Variants in NAV2 observed in about 807,000 individuals in gnomAD.
The protein encoded by NAV2 is helicase, APC down-regulated 1.
Under a neutral mutation model 223.2 loss-of-function variants are expected in NAV2, and 54 were observed. The ratio of observed to expected loss-of-function variants is 0.24; its 90% confidence interval spans 0.19 to 0.30. NAV2 has a LOEUF of 0.30. Ranked by LOEUF, NAV2 falls within the 10% of genes least tolerant of loss-of-function variation. The pLI is 1.00. For missense variants in NAV2, 2,806 were observed against 3,147.5 expected (o/e 0.89, Z 2.60); for synonymous variants, 1,279 against 1,239.3 (o/e 1.03, Z -0.67).
At chr11:20,108,869 T>C (rs1194206944) in intron 36 of NAV2, among the ~76,000 whole-genome samples, 6 of 152,220 alleles carry the variant, frequency 3.9e-5, no homozygotes, top group African/African-American at 1.4e-4. Context: ...AGAAGTTCTG[T>C]AGGCTTTTAA....
chr11:20,103,719 C>T lies in NAV2; in HGVS notation c.6639C>T (p.Asn2213=). The T allele has an allele frequency of 6.2e-7, 1 of 1,614,174 alleles. No homozygotes were observed. The highest frequency in any genetic ancestry group is 8.5e-7 in the Non-Finnish European group (1 of 1,179,974). Residue 2213 remains asparagine (N), a synonymous_variant, in exon 34 of 38, where the codon AAC becomes AAT. Coordinates refer to ENST00000349880, the MANE Select transcript of NAV2 (RefSeq NM_145117.5). ...SSTPNLQLHH[N]FRWVLCANHT... ...CTCCCAACCTGCAGCTTCACCATAA[C>T]TTCAGGTCAGTTTTCCCTTCCCTTG...
In NAV2 at chr11:19,993,339, G is replaced by T. The variant is rs181719971; in HGVS notation, c.2768+9092G>T. 2.0e-5 allele frequency among the ~76,000 whole-genome samples: 3 copies of T among 152,320 alleles called. No individual in the cohort carries two copies. The East Asian group carries it at 5.8e-4, about 29-fold the overall frequency. ...GCATTGACAGTCTTCACTGCAAGAA[G>T]AAAGAGAGCATGGTGAACCACACAC... is the stretch of plus-strand genomic sequence containing the variant. On this transcript the variant is annotated intron_variant, in intron 11 of 37. Transcript: ENST00000349880.
intron 1 of NAV2, among the ~76,000 whole-genome samples, chr11:19,441,364 T>C (rs1284990750): frequency 1.3e-5 from 2 of 152,136 alleles, no homozygotes; most frequent in Non-Finnish European, 2.9e-5. Context: ...ATGAGAGATA[T>C]GTGATCAAAT....
chr11:19,694,210 GA>G (rs921517768), intron 1 of NAV2, among the ~76,000 whole-genome samples: 2 of 152,208 alleles, frequency 1.3e-5, no homozygotes, highest in African/African-American at 4.8e-5. Flanking sequence ...GCCAAGCAAG[GA>G]TGAGGTTTCA....
intron 1 of NAV2, among the ~76,000 whole-genome samples, chr11:19,420,058 C>A (rs1479185440): frequency 1.3e-5 from 2 of 152,128 alleles, no homozygotes; most frequent in African/African-American, 4.8e-5. Context: ...GTCTACTACG[C>A]CCACGTTACT....
At chr11:19,422,128 C>T (rs2133503273) in intron 1 of NAV2, among the ~76,000 whole-genome samples, 1 of 152,342 alleles carries the variant, frequency 6.6e-6, no homozygotes, top group East Asian at 1.9e-4. Context: ...AGATCCAGGC[C>T]TGCAACTCAA....
At chr11:19,692,190 G>A (rs1226995166) in intron 1 of NAV2, among the ~76,000 whole-genome samples, 1 of 152,224 alleles carries the variant, frequency 6.6e-6, no homozygotes, top group Admixed American at 6.5e-5. Flanking sequence ...ACCCACACTG[G>A]CTGAGGGCCT....
At chr11:19,828,793 G>A (rs1481648543) in intron 1 of NAV2, among the ~76,000 whole-genome samples, 3 of 152,194 alleles carry the variant, frequency 2.0e-5, no homozygotes, top group Non-Finnish European at 4.4e-5. Flanking sequence ...TTAGATTAGA[G>A]CTGCGCCCTA....
intron 1 of NAV2, among the ~76,000 whole-genome samples, chr11:19,446,522 G>C (rs1306944533): frequency 6.6e-6 from 1 of 152,146 alleles, no homozygotes; most frequent in African/African-American, 2.4e-5. Flanking sequence ...CCAGAGAATG[G>C]AGTTTTTGGA....
intron 1 of NAV2, among the ~76,000 whole-genome samples, chr11:19,355,944 A>G (rs1381315941): frequency 6.6e-6 from 1 of 152,142 alleles, no homozygotes; most frequent in African/African-American, 2.4e-5. Flanking sequence ...ATGGATACTG[A>G]CATGTTAGGT....
At chr11:19,527,221 G>A (rs1208111315) in intron 1 of NAV2, among the ~76,000 whole-genome samples, 3 of 152,094 alleles carry the variant, frequency 2.0e-5, no homozygotes, top group South Asian at 2.1e-4. Context: ...TAAGTCTCAC[G>A]AGATCTGATG....
At chr11:19,759,500 T>C (rs1430742491) in intron 1 of NAV2, among the ~76,000 whole-genome samples, 1 of 152,138 alleles carries the variant, frequency 6.6e-6, no homozygotes, top group Admixed American at 6.5e-5. Context: ...GTGAAAGTCT[T>C]TCTGGGAAAA....
intron 1 of NAV2, among the ~76,000 whole-genome samples, chr11:19,575,121 C>G (rs959119068): frequency 3.9e-5 from 6 of 152,226 alleles, no homozygotes; most frequent in African/African-American, 1.4e-4. Context: ...CCAGGATGTT[C>G]TTTTTGCAGT....
chr11:19,843,737 G>A (rs1256310674), intron 3 of NAV2, among the ~76,000 whole-genome samples: 1 of 138,728 alleles, frequency 7.2e-6, no homozygotes, highest in East Asian at 2.2e-4. Flanking sequence ...TTTGCTGGAT[G>A]TTCATTTGCT....
intron 11 of NAV2, among the ~76,000 whole-genome samples, chr11:20,000,415 T>C (rs1257047891): frequency 2.0e-5 from 3 of 152,192 alleles, no homozygotes; most frequent in Non-Finnish European, 2.9e-5. Flanking sequence ...GCACTTATTA[T>C]GTTTCAGGAC....
At chr11:19,729,013 G>A (rs2051499271) in intron 1 of NAV2, among the ~76,000 whole-genome samples, 1 of 152,170 alleles carries the variant, frequency 6.6e-6, no homozygotes, top group African/African-American at 2.4e-5. Flanking sequence ...TACCCAGGGA[G>A]CTTGTTAAGT....
intron 11 of NAV2, among the ~76,000 whole-genome samples, chr11:20,009,473 G>T (rs1029679935): frequency 6.6e-6 from 1 of 152,168 alleles, no homozygotes; most frequent in African/African-American, 2.4e-5. Flanking sequence ...TTTCCATGGG[G>T]TGGACATCAT....
intron 1 of NAV2, among the ~76,000 whole-genome samples, chr11:19,466,986 C>T (rs144410935): frequency 2.7e-4 from 19 of 71,568 alleles, no homozygotes; most frequent in South Asian, 1.1e-3. Context: ...TCTCTCTCTA[C>T]ACACACACAC....
intron 1 of NAV2, among the ~76,000 whole-genome samples, chr11:19,439,298 A>G (rs1331909832): frequency 1.3e-5 from 2 of 152,164 alleles, no homozygotes; most frequent in South Asian, 2.1e-4. Flanking sequence ...ACTGGGGTCT[A>G]TAAGAGGGTG....
Sources: allele counts gnomAD v4.1 joint callset (sites outside exome capture counted in the v4.1 genomes callset), GRCh38; gene constraint gnomAD v4.1.1; transcripts MANE v1.5; gene names NCBI Gene and HGNC (gene_info 2026-07-23, HGNC 2026-07-21).